The following SPECC1 variants were observed in gnomAD, a reference collection of about 807,000 sequenced individuals.
SPECC1 encodes sperm antigen with calponin homology and coiled-coil domains 1, also known as cytospin-B.
SPECC1 carries 62 observed loss-of-function variants against 104.1 expected under a neutral mutation model. The ratio of observed to expected loss-of-function variants is 0.60; its 90% CI spans 0.49 to 0.74. The LOEUF (loss-of-function observed/expected upper bound fraction) is 0.74. SPECC1 is among the 30% of genes least tolerant of loss of function. SPECC1 has a pLI of 0.00. For synonymous variants in SPECC1, 513 were observed against 501.6 expected (o/e 1.02, Z -0.30); for missense variants, 1,306 against 1,310.5 (o/e 1.00, Z 0.05).
chr17:20,154,879 G>GA (rs2032323769), intron 3 of SPECC1, among the ~76,000 whole-genome samples: 1 of 152,164 alleles, frequency 6.6e-6, no homozygotes, highest in East Asian at 1.9e-4. Flanking sequence ...TGAGGGACGA[G>GA]ATGTGGCATG....
chr17:20,232,236 C>A lies in SPECC1; in HGVS notation c.2182C>A (p.Leu728Met). 6.2e-7 allele frequency: 1 copy of A among 1,614,196 alleles called. No individual in the cohort carries two copies. The highest frequency in any genetic ancestry group is 8.5e-7 in the Non-Finnish European group (1 of 1,180,048). The change falls in exon 7 of 15, where the codon CTG (leucine) becomes ATG (methionine). Residue 728 changes from leucine to methionine, a missense_variant. Leu to Met is a conservative substitution (Grantham distance 15, BLOSUM62 2). Coordinates refer to ENST00000395527, the MANE Select transcript of SPECC1 (RefSeq NM_001243439.2). ...GGAATGGAGGCGGTTCCAGGCGGAT[C>A]TGCAGACCGCAGTGGTGGTGGCCAA... ...TEEWRRFQAD[L>M]QTAVVVANDI...
At position 20,247,212 on chromosome 17, in the gene SPECC1, T is replaced by C; in HGVS notation, c.2498-7T>C. The C allele has an allele frequency of 6.2e-7, 1 of 1,606,122 alleles. No homozygotes were observed. The highest frequency in any genetic ancestry group is 8.5e-7 in the Non-Finnish European group (1 of 1,175,816). On this transcript the variant is annotated splice_polypyrimidine_tract_variant and splice_region_variant and intron_variant, in intron 8 of 14. Transcript: ENST00000395527. The stretch of plus-strand genomic sequence containing the variant: ...CATATAAATGTTCCCATGTTTTTTC[T>C]TGGCAGGTGGAGCTGGACAGAATAT...
chr17:20,138,934 G>A (rs2030387067), intron 3 of SPECC1, among the ~76,000 whole-genome samples: 1 of 151,920 alleles, frequency 6.6e-6, no homozygotes. Flanking sequence ...TCCATTTTTG[G>A]CTCCAACTAG....
intron 7 of SPECC1, chr17:20,238,550 G>A (rs1002854115): frequency 9.6e-7 from 1 of 1,042,692 alleles, no homozygotes; most frequent in African/African-American, 1.7e-5. Flanking sequence ...AACTCAGGAA[G>A]ATCTTTTGGG....
chr17:20,190,699 A>T (rs1174148347), intron 3 of SPECC1, among the ~76,000 whole-genome samples: 2 of 152,112 alleles, frequency 1.3e-5, no homozygotes, highest in East Asian at 3.9e-4. Flanking sequence ...GTTTGGATAA[A>T]TGTATAATGC....
intron 1 of SPECC1, chr17:20,017,726 T>C (rs2044202683): frequency 6.6e-6 from 1 of 152,286 alleles, no homozygotes; most frequent in Non-Finnish European, 1.5e-5. Flanking sequence ...CATTATTCTC[T>C]ATCTGGTCTT....
chr17:20,051,078 TTC>T (rs757012768), intron 1 of SPECC1, among the ~76,000 whole-genome samples: 76 of 62,268 alleles, frequency 1.2e-3, no homozygotes, highest in South Asian at 8.6e-3. Flanking sequence ...TTTTCTTTCT[TTC>T]TTTCTTTCTT....
intron 4 of SPECC1, among the ~76,000 whole-genome samples, chr17:20,208,135 A>G (rs2036904916): frequency 6.6e-6 from 1 of 152,244 alleles, no homozygotes; most frequent in South Asian, 2.1e-4. Flanking sequence ...TATATGTTTA[A>G]AATCAAACTG....
chr17:20,188,361 T>C (rs897302175), intron 3 of SPECC1, among the ~76,000 whole-genome samples: 7 of 151,908 alleles, frequency 4.6e-5, no homozygotes, highest in African/African-American at 7.3e-5. Context: ...TGGATTCAAG[T>C]GATTCTCCTG....
intron 1 of SPECC1, among the ~76,000 whole-genome samples, chr17:20,023,145 C>T (rs570115412): frequency 2.0e-5 from 3 of 152,262 alleles, no homozygotes; most frequent in East Asian, 3.9e-4. Context: ...TTTGCAGGGC[C>T]GTGTGTTCCC....
chr17:20,298,755 G>A (rs570076839), intron 13 of SPECC1, among the ~76,000 whole-genome samples: 35 of 152,120 alleles, frequency 2.3e-4, no homozygotes, highest in South Asian at 1.0e-3. Context: ...GTTTGAAAGG[G>A]CCATTTTCTG....
intron 3 of SPECC1, among the ~76,000 whole-genome samples, chr17:20,137,808 G>A (rs1284028368): frequency 2.0e-5 from 3 of 151,866 alleles, no homozygotes; most frequent in Admixed American, 6.6e-5. Context: ...TGGGATTACA[G>A]GTCCATGCCA....
chr17:20,247,240 C>G lies in SPECC1; in HGVS notation c.2519C>G (p.Ser840Cys), dbSNP rs763872852. 4 of 1,613,440 alleles carry G rather than the reference C, an allele frequency of 2.5e-6. No individual in the cohort carries two copies. The highest frequency in any genetic ancestry group is 3.4e-6 in the Non-Finnish European group (4 of 1,179,680). The change falls in exon 9 of 15, where the codon TCT becomes TGT. Residue 840 changes from serine (S) to cysteine (C), a missense_variant. This residue lies in a region of SPECC1 where 1,177 missense variants were observed against 1,139.9 expected (regional missense o/e 1.03). Transcript: ENST00000395527. ...GCAGGTGGAGCTGGACAGAATATTT[C>G]TGTCCATAAGACCCCCAGAAGTCCC... Reference protein sequence around the residue: ...GRPGGAGQNISVHKTPRSPLS... With the variant: ...GRPGGAGQNICVHKTPRSPLS...
chr17:20,252,005 T>C (rs543645543), intron 9 of SPECC1, among the ~76,000 whole-genome samples: 183 of 152,296 alleles, frequency 1.2e-3, no homozygotes, highest in Non-Finnish European at 2.3e-3. Context: ...GGGTATAGAA[T>C]GACTTCTAAG....
chr17:20,054,563 G>GT (rs1215593959), intron 1 of SPECC1, among the ~76,000 whole-genome samples: 1 of 152,138 alleles, frequency 6.6e-6, no homozygotes, highest in Non-Finnish European at 1.5e-5. Flanking sequence ...CTCAATGTCT[G>GT]TTTTTCAGTT....
chr17:20,315,009 C>T lies in SPECC1; in HGVS notation c.*944C>T, dbSNP rs569052696. 6.4e-5 allele frequency: 15 copies of T among 232,772 alleles called. No homozygotes were observed. The highest frequency in any genetic ancestry group is 2.4e-4 in the East Asian group (4 of 16,404). The allele number at this position is 232,772 out of a possible 1,614,324, so 14.4% of individuals were successfully genotyped here. A position where few individuals can be genotyped will look rare whatever the true frequency, so the allele number is the denominator to read the frequency against. ...TTCACAGTAGGGAAACCGCAGTCCTCGTCACCTGCGCCTTTGTCCTCCCAT... is the reference window on the plus strand; with the variant it reads ...TTCACAGTAGGGAAACCGCAGTCCTTGTCACCTGCGCCTTTGTCCTCCCAT... On this transcript the variant is annotated 3_prime_UTR_variant, in exon 15 of 15. Coordinates refer to ENST00000395527, the MANE Select transcript of SPECC1 (RefSeq NM_001243439.2).
intron 5 of SPECC1, among the ~76,000 whole-genome samples, chr17:20,230,702 A>G (rs1335171404): frequency 6.6e-6 from 1 of 152,162 alleles, no homozygotes; most frequent in African/African-American, 2.4e-5. Flanking sequence ...CTTTTGAAAA[A>G]CTTTTAAACT....
chr17:20,313,294 C>T (rs917400206), intron 14 of SPECC1, among the ~76,000 whole-genome samples: 1 of 152,168 alleles, frequency 6.6e-6, no homozygotes, highest in South Asian at 2.1e-4. Flanking sequence ...TAAGTAGTAA[C>T]AATGCTGGTA....
intron 13 of SPECC1, among the ~76,000 whole-genome samples, chr17:20,298,630 G>A (rs891279635): frequency 3.3e-5 from 5 of 152,040 alleles, no homozygotes; most frequent in East Asian, 3.9e-4. Context: ...CAACGCAGAC[G>A]GAAAGACATA....
Sources: allele counts gnomAD v4.1 joint callset (sites outside exome capture counted in the v4.1 genomes callset), GRCh38; gene constraint gnomAD v4.1.1; regional missense constraint gnomAD v4.1.1; transcripts MANE v1.5; gene names NCBI Gene and HGNC (gene_info 2026-07-23, HGNC 2026-07-21).